Variants in CD247 observed in about 807,000 individuals in gnomAD.
CD247 encodes T-cell surface glycoprotein CD3 zeta chain.
Under a neutral mutation model 30.0 loss-of-function variants are expected in CD247, and 13 were observed. That is an observed-to-expected ratio of 0.43 (90% CI 0.28 to 0.69). The LOEUF is 0.69. Among genes scored for constraint, CD247 ranks in the 30% least tolerant of loss-of-function variants. The probability of loss-of-function intolerance (pLI) is 0.16; values close to 1 mark genes in which losing one functional copy is unlikely to be tolerated. For synonymous variants in CD247, 72 were observed against 80.0 expected (o/e 0.90, Z 0.53); for missense variants, 193 against 212.6 (o/e 0.91, Z 0.57).
intron 1 of CD247, among the ~76,000 whole-genome samples, chr1:167,460,472 A>G (rs980922193): frequency 6.6e-6 from 1 of 152,212 alleles, no homozygotes; most frequent in Non-Finnish European, 1.5e-5. Context: ...GTTGAAGGGC[A>G]ATATACCTGT....
intron 1 of CD247, among the ~76,000 whole-genome samples, chr1:167,469,413 A>T (rs1229771217): frequency 6.6e-6 from 1 of 152,244 alleles, no homozygotes; most frequent in East Asian, 1.9e-4. Context: ...CAGTTAAACA[A>T]GGGAATTCAC....
chr1:167,473,222 C>T (rs1653606619), intron 1 of CD247, among the ~76,000 whole-genome samples: 1 of 152,164 alleles, frequency 6.6e-6, no homozygotes, highest in Non-Finnish European at 1.5e-5. Context: ...CTGGGTGGTT[C>T]TCTGACCTGA....
At chr1:167,454,457 A>G (rs1571534017) in intron 1 of CD247, among the ~76,000 whole-genome samples, 1 of 152,254 alleles carries the variant, frequency 6.6e-6, no homozygotes, top group South Asian at 2.1e-4. Flanking sequence ...AGATTCTGGC[A>G]GGGCAGAAAG....
intron 4 of CD247, among the ~76,000 whole-genome samples, chr1:167,436,640 G>C (rs561241128): frequency 6.6e-6 from 1 of 152,258 alleles, no homozygotes; most frequent in African/African-American, 2.4e-5. Flanking sequence ...CATAAGGCCT[G>C]AAACTGTAAA....
At chr1:167,438,817 G>A (rs1651674558) in intron 3 of CD247, among the ~76,000 whole-genome samples, 167 bp from the exon 4 acceptor site, 1 of 152,108 alleles carries the variant, frequency 6.6e-6, no homozygotes, top group African/African-American at 2.4e-5. Flanking sequence ...CATCCCAGAG[G>A]ACATCTCAGA....
chr1:167,438,738 C>T, intron 3 of CD247, 88 bp from the exon 4 acceptor site: 2 of 1,023,894 alleles, frequency 2.0e-6, no homozygotes, highest in African/African-American at 1.6e-5. Flanking sequence ...GTTTCCCTCT[C>T]TGGGGTGGCT....
At chr1:167,450,180 G>A (rs1652287435) in intron 1 of CD247, among the ~76,000 whole-genome samples, 1 of 152,028 alleles carries the variant, frequency 6.6e-6, no homozygotes. Context: ...CTTTTTACAG[G>A]ATTGGAATTC....
chr1:167,481,308 G>A (rs577553130), intron 1 of CD247, among the ~76,000 whole-genome samples: 2 of 152,202 alleles, frequency 1.3e-5, no homozygotes, highest in South Asian at 2.1e-4. Flanking sequence ...AACAAAAAGA[G>A]GCACTGAAAG....
At chr1:167,508,155 A>G (rs1330251235) in intron 1 of CD247, among the ~76,000 whole-genome samples, 1 of 152,144 alleles carries the variant, frequency 6.6e-6, no homozygotes, top group African/African-American at 2.4e-5. Flanking sequence ...TTCACAGCCC[A>G]TTTCTGGTTT....
chr1:167,465,321 CTTTTTCTTTTTTTTTTT>C (rs1266925091), intron 1 of CD247, among the ~76,000 whole-genome samples: 2 of 115,086 alleles, frequency 1.7e-5, no homozygotes, highest in African/African-American at 6.0e-5. Flanking sequence ...TTTTTTTTTT[CTTTTTCTTTTTTTTTTT>C]TTTTTTTGAG....
At chr1:167,460,640 G>A (rs1331749123) in intron 1 of CD247, among the ~76,000 whole-genome samples, 1 of 152,112 alleles carries the variant, frequency 6.6e-6, no homozygotes, top group African/African-American at 2.4e-5. Flanking sequence ...TGAACAACGT[G>A]CAGGTTTGTT....
At chr1:167,448,340 G>A in intron 1 of CD247, 1 of 985,164 alleles carries the variant, frequency 1.0e-6, no homozygotes, top group Non-Finnish European at 1.2e-6. Flanking sequence ...ACTTGGTACT[G>A]ACCTTCAAAG....
intron 1 of CD247, among the ~76,000 whole-genome samples, chr1:167,489,999 G>C (rs910485469): frequency 1.3e-5 from 2 of 152,114 alleles, no homozygotes; most frequent in African/African-American, 2.4e-5. Flanking sequence ...CAGTTTAGCT[G>C]CCTGTGCCCC....
At chr1:167,510,754 A>G (rs1398376408) in intron 1 of CD247, among the ~76,000 whole-genome samples, 1 of 152,148 alleles carries the variant, frequency 6.6e-6, no homozygotes, top group Non-Finnish European at 1.5e-5. Flanking sequence ...ACAGCAAAAG[A>G]GGGGGGTAGG....
intron 1 of CD247, among the ~76,000 whole-genome samples, chr1:167,467,073 C>T (rs1177778418): frequency 6.6e-6 from 1 of 152,166 alleles, no homozygotes; most frequent in Non-Finnish European, 1.5e-5. Flanking sequence ...TTCCTGACCT[C>T]GTGATCCGCC....
At chr1:167,449,054 G>T (rs911740314) in intron 1 of CD247, among the ~76,000 whole-genome samples, 1 of 151,872 alleles carries the variant, frequency 6.6e-6, no homozygotes, top group Non-Finnish European at 1.5e-5. Context: ...ATTTCTTAGG[G>T]GTAGCGCTTT....
rs541324134 is a variant in CD247, at chr1:167,498,943, G to T, written c.58+19465C>A. Among the ~76,000 whole-genome samples, 273 of 152,278 alleles carry T rather than the reference G, an allele frequency of 1.8e-3. 1 individual carries two copies. Among genetic ancestry groups the T allele is most frequent in the African/African-American group, 6.2e-3 (259 of 41,550 alleles). ...GGAAGAACCATCCCAAAAGCCATGC[G>T]CACACGGGGCTCCTGAGGACATCAT... On this transcript the variant is annotated intron_variant, in intron 1 of 7. Transcript: ENST00000362089.
At chr1:167,434,956 CCCTTCCTCCGGAG>C in intron 5 of CD247, 8 of 414,924 alleles carry the variant, frequency 1.9e-5, no homozygotes, top group East Asian at 7.7e-5. Context: ...CCTCCTCCAG[CCCTTCCTCCGGAG>C]CCCTCCTCCA....
chr1:167,456,188 A>C (rs1196228764), intron 1 of CD247, among the ~76,000 whole-genome samples: 1 of 152,190 alleles, frequency 6.6e-6, no homozygotes, highest in Admixed American at 6.5e-5. Context: ...CAGTGCATGG[A>C]GAGCGCTAAA....
Sources: gnomAD v4.1 joint callset for allele counts (sites outside exome capture counted in the v4.1 genomes callset) on GRCh38, gnomAD v4.1.1 for gene constraint, MANE v1.5 for transcripts, NCBI Gene and HGNC (gene_info 2026-07-23, HGNC 2026-07-21) for gene names.